PCDHGA2: variants seen among roughly 807,000 people sequenced by gnomAD.
PCDHGA2 encodes the protein protocadherin gamma subfamily A, 2, also known as protocadherin gamma-A2.
In PCDHGA2, 40 loss-of-function variants were observed where a neutral mutation model predicts 59.2. That is an observed-to-expected ratio of 0.68 (90% CI 0.52 to 0.88). PCDHGA2 has a LOEUF of 0.88. Among genes scored for constraint, PCDHGA2 ranks in the 40% least tolerant of loss-of-function variants. The pLI, the probability that PCDHGA2 is intolerant of heterozygous loss-of-function variation, is 0.00. For synonymous variants in PCDHGA2, 560 were observed against 526.0 expected, an observed-to-expected ratio of 1.06 and a Z score of -0.89; for missense variants, 1,226 against 1,204.0, an observed-to-expected ratio of 1.02 and a Z score of -0.27.
At chr5:141,481,035 G>C (rs1342607604) in intron 1 of PCDHGA2, among the ~76,000 whole-genome samples, 1 of 152,094 alleles carries the variant, frequency 6.6e-6, no homozygotes, top group Non-Finnish European at 1.5e-5. Flanking sequence ...TCCAGCCTGG[G>C]CGACAGAGCG....
chr5:141,381,898 C>T (rs1777736173), intron 1 of PCDHGA2, among the ~76,000 whole-genome samples: 2 of 123,608 alleles, frequency 1.6e-5, no homozygotes, highest in African/African-American at 6.3e-5. Context: ...GGTGTGATCT[C>T]GGCTCACCAC....
chr5:141,435,904 C>G (rs967350870), intron 1 of PCDHGA2, among the ~76,000 whole-genome samples: 2 of 152,068 alleles, frequency 1.3e-5, no homozygotes, highest in Admixed American at 6.5e-5. Context: ...TGAAAGACAT[C>G]CAAGGGCTCT....
chr5:141,393,126 A>T, intron 1 of PCDHGA2: 1 of 1,613,436 alleles, frequency 6.2e-7, no homozygotes, highest in Non-Finnish European at 8.5e-7. Context: ...GTGTCTGATA[A>T]ATATTAACAC....
chr5:141,511,140 C>T lies in PCDHGA2; in HGVS notation c.2766C>T (p.Asn922=). Reference sequence around the variant, plus strand: ...AGGCCCCAGCAGGTGGCAATGGCAACAAGAAGAAGTCGGGCAAGAAGGAGA... The same window carrying T: ...AGGCCCCAGCAGGTGGCAATGGCAATAAGAAGAAGTCGGGCAAGAAGGAGA... ...DGKAPAGGNG[N]KKKSGKKEKK is the part of the protein sequence containing the mutation. Residue 922 remains asparagine (N), a synonymous_variant, in exon 4 of 4, where the codon AAC becomes AAT. Transcript: ENST00000394576. The T allele has an allele frequency of 1.2e-6, 2 of 1,614,186 alleles. No homozygotes were observed. The highest frequency in any genetic ancestry group is 1.3e-5 in the African/African-American group (1 of 75,050).
At chr5:141,456,306 G>C (rs937409031) in intron 1 of PCDHGA2, among the ~76,000 whole-genome samples, 1 of 152,158 alleles carries the variant, frequency 6.6e-6, no homozygotes, top group Non-Finnish European at 1.5e-5. Context: ...GAGAACAGCA[G>C]CTAGGGCTCC....
At chr5:141,494,232 A>T (rs2099752983) in intron 1 of PCDHGA2, among the ~76,000 whole-genome samples, 1 of 152,168 alleles carries the variant, frequency 6.6e-6, no homozygotes, top group African/African-American at 2.4e-5. Flanking sequence ...TCCTAAATTA[A>T]TAATGTATTT....
At chr5:141,406,011 G>A (rs1380278745) in intron 1 of PCDHGA2, among the ~76,000 whole-genome samples, 7 of 151,702 alleles carry the variant, frequency 4.6e-5, no homozygotes, top group African/African-American at 1.7e-4. Context: ...CATTGATGTG[G>A]GCTTTTTGGG....
At chr5:141,360,940 C>T in intron 1 of PCDHGA2, 5 of 1,613,890 alleles carry the variant, frequency 3.1e-6, no homozygotes, top group Non-Finnish European at 4.2e-6. Flanking sequence ...AGCCACCGAC[C>T]GGGATGAAGG....
chr5:141,344,807 T>C (rs764222927), intron 1 of PCDHGA2: 1 of 1,613,960 alleles, frequency 6.2e-7, no homozygotes, highest in South Asian at 1.1e-5. Context: ...TGCCTGTGGG[T>C]ACCCGGCTGC....
intron 1 of PCDHGA2, chr5:141,362,323 G>A: frequency 6.2e-7 from 1 of 1,614,082 alleles, no homozygotes; most frequent in East Asian, 2.2e-5. Flanking sequence ...TTTTCAGCCT[G>A]GTCTCAGCTC....
In PCDHGA2 at chr5:141,485,956, C is replaced by T. The variant is rs1430530851; in HGVS notation, c.2425-8851C>T. 1 of 1,614,150 alleles carries T rather than the reference C, an allele frequency of 6.2e-7. No individual in the cohort carries two copies. Among genetic ancestry groups the T allele is most frequent in the South Asian group, 1.1e-5 (1 of 91,074 alleles). ...AGAGCGCACCAGCGGGCATGGTGCT[C>T]ATCCAGCTCAATGCCTCAGACCCGG... On this transcript the variant is annotated intron_variant, in intron 1 of 3. Coordinates refer to ENST00000394576, the MANE Select transcript of PCDHGA2 (RefSeq NM_018915.4). This position sits in a 1 kb window ranked among gnomAD's most constrained non-coding sequence, Gnocchi z 5.7.
intron 1 of PCDHGA2, chr5:141,357,273 C>G (rs111314276): frequency 3.1e-6 from 5 of 1,613,852 alleles, no homozygotes; most frequent in African/African-American, 2.7e-5. Context: ...GCCTCACACT[C>G]TATCTCGTGG....
intron 1 of PCDHGA2, among the ~76,000 whole-genome samples, chr5:141,484,319 C>T (rs1191113560): frequency 6.6e-6 from 1 of 152,212 alleles, no homozygotes; most frequent in Non-Finnish European, 1.5e-5. Context: ...CGCTTCCATA[C>T]TGTCCTTGAA....
rs766865642 is a variant in PCDHGA2, at chr5:141,400,084, A to G, written c.2424+58689A>G. 34 of 1,613,852 alleles carry G rather than the reference A, an allele frequency of 2.1e-5. No homozygotes were observed. The highest frequency in any genetic ancestry group is 2.0e-4 in the Admixed American group (12 of 60,006). On this transcript the variant is annotated intron_variant, in intron 1 of 3. Transcript: ENST00000394576. The stretch of plus-strand genomic sequence containing the variant: ...TGGTGGACAGCCGCCACTCTCCGCC[A>G]CCGCCACGCTGCACTTGGTCTTTGC...
rs1243327893 is a variant in PCDHGA2, at chr5:141,491,671, C to A, written c.2425-3136C>A. 2.5e-6 allele frequency: 4 copies of A among 1,613,366 alleles called. No homozygotes were observed. Among genetic ancestry groups the A allele is most frequent in the Non-Finnish European group, 3.4e-6 (4 of 1,179,808 alleles). On this transcript the variant is annotated intron_variant, in intron 1 of 3. Coordinates refer to ENST00000394576, the MANE Select transcript of PCDHGA2 (RefSeq NM_018915.4). The surrounding 1 kb of genome is among the most constrained non-coding windows in gnomAD (Gnocchi z 6.9). Reference sequence around the variant, plus strand: ...GCTGGAGCCTGACGCCATCCGGTCCCGCTCTAATACGCTGCGGGAGCGGAG... The same window carrying A: ...GCTGGAGCCTGACGCCATCCGGTCCAGCTCTAATACGCTGCGGGAGCGGAG...
chr5:141,511,084 C>G lies in PCDHGA2; in HGVS notation c.2710C>G (p.Leu904Val). 1 of 1,614,236 alleles carries G rather than the reference C, an allele frequency of 6.2e-7. No homozygotes were observed. Among genetic ancestry groups the G allele is most frequent in the Non-Finnish European group, 8.5e-7 (1 of 1,180,030 alleles). The change falls in exon 4 of 4, where the codon CTG becomes GTG. Residue 904 changes from leucine (L) to valine (V), a missense_variant. Leu to Val is a conservative substitution (Grantham distance 32). Coordinates refer to ENST00000394576, the MANE Select transcript of PCDHGA2 (RefSeq NM_018915.4). Reference sequence around the variant, plus strand: ...CTACATCCCAGGCAGCAATGCCACACTGACCAACGCAGCTGGCAAGCGGGA... The same window carrying G: ...CTACATCCCAGGCAGCAATGCCACAGTGACCAACGCAGCTGGCAAGCGGGA... ...NVYIPGSNAT[L>V]TNAAGKRDGK...
chr5:141,359,472 T>G (rs1033870271), intron 1 of PCDHGA2, among the ~76,000 whole-genome samples: 1 of 151,384 alleles, frequency 6.6e-6, no homozygotes, highest in African/African-American at 2.4e-5. Flanking sequence ...ATTAAACAAA[T>G]TGTTGTATAT....
At chr5:141,404,806 G>A (rs774487660) in intron 1 of PCDHGA2, 29 of 1,613,874 alleles carry the variant, frequency 1.8e-5, no homozygotes, top group South Asian at 1.3e-4. Context: ...GGCTCTTCTC[G>A]GTGGGGCTGC....
At chr5:141,409,294 G>T (rs1438036410) in intron 1 of PCDHGA2, 11 of 1,613,826 alleles carry the variant, frequency 6.8e-6, no homozygotes, top group South Asian at 1.1e-5. Flanking sequence ...CTCCAGGAAT[G>T]GTTGTTGCCC....
Sources: gnomAD v4.1 joint callset for allele counts (sites outside exome capture counted in the v4.1 genomes callset) on GRCh38, gnomAD v4.1.1 for gene constraint, Gnocchi (gnomAD v3.1) non-coding constraint, MANE v1.5 for transcripts, NCBI Gene and HGNC (gene_info 2026-07-23, HGNC 2026-07-21) for gene names.